MED12L: variants seen among roughly 807,000 people sequenced by gnomAD.
The protein encoded by MED12L is mediator of RNA polymerase II transcription subunit 12-like protein.
In MED12L, 60 loss-of-function variants were observed where a neutral mutation model predicts 281.3. The ratio of observed to expected loss-of-function variants is 0.21; its 90% CI spans 0.17 to 0.26. The LOEUF (loss-of-function observed/expected upper bound fraction) is 0.26. Ranked by LOEUF, MED12L falls within the 10% of genes least tolerant of loss-of-function variation. The pLI is 1.00. For missense variants in MED12L, 2,146 were observed against 2,680.9 expected (o/e 0.80, Z 4.41); for synonymous variants, 974 against 987.2 (o/e 0.99, Z 0.25).
At chr3:151,425,868 G>C (rs777979409) in intron 43 of MED12L, 8 of 406,950 alleles carry the variant, frequency 2.0e-5, no homozygotes, top group Non-Finnish European at 4.0e-5. Context: ...AACTTCAGCT[G>C]ATCTTTGAAG....
At chr3:151,338,868 C>T (rs1221824390) in intron 16 of MED12L, 1 of 1,608,570 alleles carries the variant, frequency 6.2e-7, no homozygotes, top group South Asian at 1.1e-5. Context: ...ACCTAGAGAA[C>T]AAAAGAGAGG....
intron 16 of MED12L, among the ~76,000 whole-genome samples, chr3:151,209,732 A>G (rs192901515): frequency 3.9e-5 from 6 of 152,228 alleles, no homozygotes; most frequent in Admixed American, 2.0e-4. Flanking sequence ...TACAGATGGC[A>G]GCGATAGGGT....
At chr3:151,355,774 T>G (rs1753842136) in intron 18 of MED12L, 122 bp from the exon 19 acceptor site, 2 of 753,186 alleles carry the variant, frequency 2.7e-6, no homozygotes, top group Non-Finnish European at 4.0e-6. Flanking sequence ...AAACACGTTT[T>G]GACTTTCGTC....
rs1242848518 is a variant in MED12L at position 151,365,027 on chromosome 3, T to G, written c.3006T>G (p.Pro1002=). ...AAACCATATATAATAACGTGATGCCTGCAAATTCGAACTTGCGATGGGATC... is the reference window on the plus strand; with the variant it reads ...AAACCATATATAATAACGTGATGCCGGCAAATTCGAACTTGCGATGGGATC... The part of the protein sequence containing the change: ...VKQTIYNNVM[P]ANSNLRWDPD... The change falls in exon 22 of 45, where the codon CCT becomes CCG. Residue 1002 remains proline (P), a synonymous_variant. Transcript: ENST00000687756. 1 of 1,614,110 alleles carries G rather than the reference T, an allele frequency of 6.2e-7. No individual in the cohort carries two copies. Among genetic ancestry groups the G allele is most frequent in the Admixed American group, 1.7e-5 (1 of 60,024 alleles).
chr3:151,349,743 T>A (rs2150016032), intron 16 of MED12L, among the ~76,000 whole-genome samples: 1 of 152,268 alleles, frequency 6.6e-6, no homozygotes, highest in African/African-American at 2.4e-5. Flanking sequence ...GATGTGAAAT[T>A]AATACCATGT....
chr3:151,389,641 A>G (rs1275202598), intron 37 of MED12L, among the ~76,000 whole-genome samples: 1 of 152,220 alleles, frequency 6.6e-6, no homozygotes, highest in Non-Finnish European at 1.5e-5. Flanking sequence ...TGAAATGATC[A>G]TGAGTCTTAG....
intron 16 of MED12L, among the ~76,000 whole-genome samples, chr3:151,236,969 C>T (rs546895242): frequency 1.1e-4 from 17 of 151,226 alleles, no homozygotes; most frequent in Middle Eastern, 3.4e-3. Context: ...GAAAATTTCT[C>T]GTGGATATAA....
At chr3:151,430,262 G>A in intron 43 of MED12L, 37 bp from the exon 44 acceptor site, 2 of 1,612,998 alleles carry the variant, frequency 1.2e-6, no homozygotes, top group South Asian at 1.1e-5. Flanking sequence ...TTGGCACCAT[G>A]GAATGATTTC....
At chr3:151,249,902 T>G (rs1048625247) in intron 16 of MED12L, among the ~76,000 whole-genome samples, 1 of 152,186 alleles carries the variant, frequency 6.6e-6, no homozygotes, top group Non-Finnish European at 1.5e-5. Context: ...TCATCCAGTT[T>G]AGGGCCTATA....
Position 151,433,478 on chromosome 3 carries a change from A to G in MED12L, c.*674A>G, listed in dbSNP as rs751377580. The G allele has an allele frequency of 1.3e-5, 2 of 152,666 alleles. No homozygotes were observed. The highest frequency in any genetic ancestry group is 2.9e-5 in the Non-Finnish European group (2 of 68,050). 9.5% of individuals were successfully genotyped at this position (152,666 alleles called of 1,614,324 possible). ...AAGAACCTAAACCAAGGTTTCTTTG[A>G]GAGCCGCCCTAAGATGTGCGGAAAC... On this transcript the variant is annotated 3_prime_UTR_variant, in exon 45 of 45. Transcript: ENST00000687756.
At chr3:151,157,686 C>T (rs1719463379) in intron 6 of MED12L, among the ~76,000 whole-genome samples, 1 of 152,120 alleles carries the variant, frequency 6.6e-6, no homozygotes, top group Non-Finnish European at 1.5e-5. Context: ...AGCAAGATGT[C>T]ATGTCAATGT....
chr3:151,283,291 C>T (rs773695176), intron 16 of MED12L, among the ~76,000 whole-genome samples: 2 of 152,206 alleles, frequency 1.3e-5, no homozygotes, highest in Non-Finnish European at 2.9e-5. Flanking sequence ...TTCTGTATTG[C>T]TAGCATTAGA....
At chr3:151,162,561 C>G (rs970422573) in intron 8 of MED12L, among the ~76,000 whole-genome samples, 24 of 151,376 alleles carry the variant, frequency 1.6e-4, no homozygotes, top group African/African-American at 5.4e-4. Flanking sequence ...CCCTCAGCCT[C>G]CTTAGTAGCT....
At chr3:151,189,134 CAA>C (rs1399679825) in intron 13 of MED12L, among the ~76,000 whole-genome samples, 3 of 152,014 alleles carry the variant, frequency 2.0e-5, no homozygotes, top group Admixed American at 2.0e-4. Flanking sequence ...GGCAAAAAGT[CAA>C]AAGCAATAGA....
At chr3:151,290,683 T>A (rs528303964) in intron 16 of MED12L, among the ~76,000 whole-genome samples, 1 of 152,280 alleles carries the variant, frequency 6.6e-6, no homozygotes, top group East Asian at 1.9e-4. Flanking sequence ...CAGCATTAAT[T>A]ATTCTCATCA....
chr3:151,268,740 A>C (rs1423872866), intron 16 of MED12L, among the ~76,000 whole-genome samples: 1 of 152,206 alleles, frequency 6.6e-6, no homozygotes, highest in Non-Finnish European at 1.5e-5. Flanking sequence ...TTTACAAAGC[A>C]CTTGTTCTCT....
At chr3:151,324,062 G>A (rs915625755) in intron 16 of MED12L, among the ~76,000 whole-genome samples, 1 of 152,204 alleles carries the variant, frequency 6.6e-6, no homozygotes, top group East Asian at 1.9e-4. Flanking sequence ...TGCTGGTCTT[G>A]AGACCACCTT....
chr3:151,384,642 AGAAAC>A, intron 35 of MED12L: 1 of 193,916 alleles, frequency 5.2e-6, no homozygotes, highest in Non-Finnish European at 1.0e-5. Context: ...AGTGCAAAAA[AGAAAC>A]CAAATAAATC....
rs909793936 is a variant in MED12L, at chr3:151,369,663, G to C, written c.3664+114G>C. 4.7e-6 allele frequency: 3 copies of C among 637,598 alleles called. No homozygotes were observed. The African/African-American group carries it at 5.5e-5, about 12-fold the overall frequency. 39.5% of individuals were successfully genotyped at this position (637,598 alleles called of 1,614,324 possible). ...ATTGGAAACATGATACTGTTTGATC[G>C]CTTATTCTCCTGGAAAAATTAGTGG... On this transcript the variant is annotated intron_variant, in intron 26 of 44. Coordinates refer to ENST00000687756, the MANE Select transcript of MED12L (RefSeq NM_001393769.1).
Sources: gnomAD v4.1 joint callset for allele counts (sites outside exome capture counted in the v4.1 genomes callset) on GRCh38, gnomAD v4.1.1 for gene constraint, MANE v1.5 for transcripts, NCBI Gene and HGNC (gene_info 2026-07-23, HGNC 2026-07-21) for gene names.